RANBP10: variants seen among roughly 807,000 people sequenced by gnomAD.
The protein encoded by RANBP10 is ran-binding protein 10.
RANBP10 carries 24 observed loss-of-function variants against 72.8 expected under a neutral mutation model. The observed-to-expected ratio is 0.33, with a 90% CI of 0.24 to 0.46. The LOEUF is 0.46. RANBP10 is among the 20% of genes least tolerant of loss of function. The pLI is 1.00. For synonymous variants in RANBP10, 310 were observed against 322.3 expected (o/e 0.96, Z 0.41); for missense variants, 679 against 817.5 (o/e 0.83, Z 2.07).
At chr16:67,792,838 G>A (rs2055054140) in intron 2 of RANBP10, among the ~76,000 whole-genome samples, 1 of 151,514 alleles carries the variant, frequency 6.6e-6, no homozygotes, top group African/African-American at 2.4e-5. Flanking sequence ...TAGGGTGCTC[G>A]TATGGAGAAA....
chr16:67,776,194 T>A (rs1012362236), intron 2 of RANBP10, among the ~76,000 whole-genome samples: 1 of 150,584 alleles, frequency 6.6e-6, no homozygotes, highest in Non-Finnish European at 1.5e-5. Flanking sequence ...GTGTGGTAGC[T>A]CACACCTGTA....
chr16:67,760,931 G>A (rs1242287585), intron 3 of RANBP10, among the ~76,000 whole-genome samples: 1 of 152,082 alleles, frequency 6.6e-6, no homozygotes, highest in Admixed American at 6.6e-5. Context: ...CCAAGCCTGG[G>A]AGACGCCCAA....
chr16:67,785,172 A>G (rs980213596), intron 2 of RANBP10, among the ~76,000 whole-genome samples: 20 of 152,146 alleles, frequency 1.3e-4, no homozygotes, highest in African/African-American at 4.6e-4. Flanking sequence ...AGATCGTGCC[A>G]CTGCATTCCA....
In RANBP10 at chr16:67,769,071, G is replaced by C. The variant is rs183164780; in HGVS notation, c.400+2963C>G. 3.6e-3 allele frequency among the ~76,000 whole-genome samples: 543 copies of C among 152,000 alleles called. 3 individuals are homozygous for C. The highest frequency in any genetic ancestry group is 5.4e-3 in the South Asian group (26 of 4,810). On this transcript the variant is annotated intron_variant, in intron 3 of 13. Transcript: ENST00000317506. ...TGTTTTCTCTTTTTTTTGCACATTTGGTAGCACATCATATATTTCCATGCT... is the reference window on the plus strand; with the variant it reads ...TGTTTTCTCTTTTTTTTGCACATTTCGTAGCACATCATATATTTCCATGCT...
chr16:67,756,183 A>T (rs985746966), intron 3 of RANBP10, among the ~76,000 whole-genome samples: 2 of 152,238 alleles, frequency 1.3e-5, no homozygotes, highest in African/African-American at 2.4e-5. Context: ...GTAGGGTGCC[A>T]GGGACTCCAG....
At chr16:67,740,419 C>T (rs1478627019) in intron 4 of RANBP10, among the ~76,000 whole-genome samples, 2 of 152,100 alleles carry the variant, frequency 1.3e-5, no homozygotes, top group Non-Finnish European at 2.9e-5. Flanking sequence ...AGTCTTATAT[C>T]TCCCAGAAGC....
At chr16:67,737,264 G>A (rs995962624) in intron 5 of RANBP10, among the ~76,000 whole-genome samples, 3 of 139,738 alleles carry the variant, frequency 2.1e-5, no homozygotes, top group South Asian at 2.2e-4. Flanking sequence ...GCAGTGGTGC[G>A]ATCTCAGCTC....
rs1314099355 is a variant in RANBP10, at chr16:67,726,566, G to A, written c.1733-8C>T. 9.7e-6 allele frequency: 15 copies of A among 1,550,476 alleles called. No individual in the cohort carries two copies. Among genetic ancestry groups the A allele is most frequent in the African/African-American group, 1.4e-5 (1 of 73,148 alleles). ...TTGGCAGGTTCTGGGACTCTGTGGA[G>A]GAAAGACAAGGCCTGGTCACTGGCC... On this transcript the variant is annotated splice_region_variant and splice_polypyrimidine_tract_variant and intron_variant, in intron 13 of 13. Coordinates refer to ENST00000317506, the MANE Select transcript of RANBP10 (RefSeq NM_020850.3).
chr16:67,742,388 A>G (rs980261512), intron 4 of RANBP10, among the ~76,000 whole-genome samples: 1 of 152,250 alleles, frequency 6.6e-6, no homozygotes, highest in African/African-American at 2.4e-5. Context: ...AATATTTGAG[A>G]TACAACAAGT....
At chr16:67,797,701 T>G (rs1362159513) in intron 2 of RANBP10, among the ~76,000 whole-genome samples, 1 of 151,994 alleles carries the variant, frequency 6.6e-6, no homozygotes, top group Admixed American at 6.6e-5. Flanking sequence ...TCCCAGCTAC[T>G]CAGGAGGCTG....
intron 2 of RANBP10, among the ~76,000 whole-genome samples, chr16:67,795,639 G>A (rs957588719): frequency 1.9e-4 from 29 of 151,892 alleles, no homozygotes; most frequent in Non-Finnish European, 3.4e-4. Context: ...AGGCCGAGGC[G>A]GGTGGATCAC....
chr16:67,755,505 G>A (rs531312405), intron 3 of RANBP10, among the ~76,000 whole-genome samples: 19 of 152,122 alleles, frequency 1.2e-4, no homozygotes, highest in Non-Finnish European at 2.6e-4. Flanking sequence ...CCAAGATGGC[G>A]AAACCCCTTC....
intron 2 of RANBP10, among the ~76,000 whole-genome samples, chr16:67,773,881 C>G (rs1008425883): frequency 2.2e-4 from 33 of 152,330 alleles, no homozygotes; most frequent in Non-Finnish European, 4.6e-4. Context: ...CTCAGTCATT[C>G]CCAGAAACAC....
chr16:67,737,774 T>G (rs1313028896), intron 5 of RANBP10, among the ~76,000 whole-genome samples: 3 of 152,028 alleles, frequency 2.0e-5, no homozygotes, highest in Non-Finnish European at 2.9e-5. Context: ...ACAGCTGCCT[T>G]TGGAAGTGCC....
intron 2 of RANBP10, among the ~76,000 whole-genome samples, chr16:67,780,445 G>A (rs924787658): frequency 1.3e-5 from 2 of 151,876 alleles, no homozygotes; most frequent in African/African-American, 4.8e-5. Context: ...AGAGGTAAAT[G>A]GGAAGCCACA....
intron 3 of RANBP10, among the ~76,000 whole-genome samples, chr16:67,758,506 C>T (rs28503723): frequency 0.033 from 5,050 of 152,170 alleles, 264 homozygotes; most frequent in African/African-American, 0.11. Flanking sequence ...AAGGAGCTCC[C>T]GGAGTGGCAT....
chr16:67,739,391 A>G (rs1193813461), intron 4 of RANBP10, among the ~76,000 whole-genome samples: 2 of 152,282 alleles, frequency 1.3e-5, no homozygotes, highest in East Asian at 3.9e-4. Flanking sequence ...AAAGCTAGCA[A>G]AGGTGGTGGG....
intron 2 of RANBP10, among the ~76,000 whole-genome samples, chr16:67,773,933 G>A (rs576706207): frequency 6.6e-6 from 1 of 152,348 alleles, no homozygotes; most frequent in African/African-American, 2.4e-5. Flanking sequence ...CTAGCTTCAA[G>A]GACCATCAGG....
intron 2 of RANBP10, among the ~76,000 whole-genome samples, chr16:67,790,687 C>A: frequency 6.6e-6 from 1 of 151,762 alleles, no homozygotes; most frequent in East Asian, 1.9e-4. Context: ...ACTGTTTCTA[C>A]TTTTACCAAT....
Sources: allele counts gnomAD v4.1 joint callset (sites outside exome capture counted in the v4.1 genomes callset), GRCh38; gene constraint gnomAD v4.1.1; transcripts MANE v1.5; gene names NCBI Gene and HGNC (gene_info 2026-07-23, HGNC 2026-07-21).